The following HECW2 variants were observed in gnomAD, a reference collection of about 807,000 sequenced individuals.
HECW2 encodes the protein E3 ubiquitin-protein ligase HECW2.
In HECW2, 61 loss-of-function variants were observed where a neutral mutation model predicts 175.2. That is an observed-to-expected ratio of 0.35 (90% CI 0.28 to 0.43). HECW2 has a LOEUF of 0.43. HECW2 is among the 20% of genes least tolerant of loss of function. The pLI is 1.00. For missense variants in HECW2, 1,524 were observed against 2,000.5 expected (o/e 0.76, Z 4.54); for synonymous variants, 671 against 731.0 (o/e 0.92, Z 1.32).
intron 2 of HECW2, among the ~76,000 whole-genome samples, chr2:196,423,095 A>G (rs1034260152): frequency 3.3e-5 from 5 of 152,104 alleles, no homozygotes; most frequent in African/African-American, 1.2e-4. Context: ...TAAACTGGAA[A>G]TCCCTTCTTG....
chr2:196,247,525 A>C (rs1003041802), intron 19 of HECW2, among the ~76,000 whole-genome samples: 1 of 152,174 alleles, frequency 6.6e-6, no homozygotes, highest in African/African-American at 2.4e-5. Context: ...TGTTACATCA[A>C]ATGAAGGGCT....
chr2:196,542,510 T>C (rs989541709), intron 1 of HECW2, among the ~76,000 whole-genome samples: 1 of 152,166 alleles, frequency 6.6e-6, no homozygotes, highest in African/African-American at 2.4e-5. Flanking sequence ...AGTTTATTCA[T>C]ATTTTTAGAA....
chr2:196,510,220 T>A (rs1237126573), intron 1 of HECW2, among the ~76,000 whole-genome samples: 1 of 152,170 alleles, frequency 6.6e-6, no homozygotes, highest in Non-Finnish European at 1.5e-5. Context: ...TTTGGCTAGA[T>A]GGGATGAAGC....
At chr2:196,411,884 C>A (rs1695122869) in intron 2 of HECW2, among the ~76,000 whole-genome samples, 1 of 152,224 alleles carries the variant, frequency 6.6e-6, no homozygotes, top group Non-Finnish European at 1.5e-5. Context: ...GTGGCGCACA[C>A]CTGTAGTCCC....
chr2:196,331,949 T>G (rs961938745), intron 4 of HECW2, among the ~76,000 whole-genome samples: 14 of 152,168 alleles, frequency 9.2e-5, no homozygotes, highest in African/African-American at 3.1e-4. Flanking sequence ...GTCAACCAAG[T>G]GTTGAAACAA....
intron 1 of HECW2, among the ~76,000 whole-genome samples, chr2:196,547,592 G>A (rs1689469143): frequency 6.6e-6 from 1 of 152,194 alleles, no homozygotes; most frequent in African/African-American, 2.4e-5. Context: ...CTAGTGGTGT[G>A]TATTAGTTGT....
chr2:196,302,719 T>G (rs11897915), intron 13 of HECW2, among the ~76,000 whole-genome samples: 31,905 of 152,070 alleles, frequency 0.21, 3,618 homozygotes, highest in Middle Eastern at 0.28. Flanking sequence ...GCTCTCTGCT[T>G]GCCTGTTGTT....
At chr2:196,515,267 C>G (rs1312417903) in intron 1 of HECW2, among the ~76,000 whole-genome samples, 1 of 152,246 alleles carries the variant, frequency 6.6e-6, no homozygotes, top group African/African-American at 2.4e-5. Flanking sequence ...CCACACACTT[C>G]TCGCTGCTCT....
intron 2 of HECW2, among the ~76,000 whole-genome samples, chr2:196,350,126 G>A (rs1014393873): frequency 6.6e-6 from 1 of 152,196 alleles, no homozygotes; most frequent in African/African-American, 2.4e-5. Flanking sequence ...CACTTTGGGA[G>A]GCCGAGGCAG....
intron 2 of HECW2, among the ~76,000 whole-genome samples, chr2:196,413,782 C>T (rs1695179711): frequency 6.6e-6 from 1 of 152,222 alleles, no homozygotes; most frequent in Admixed American, 6.5e-5. Context: ...CTCTTTTCCA[C>T]TCTCTAATCT....
Position 196,278,509 on chromosome 2 carries a change from C to T in HECW2, c.3135+19G>A. ...GCTTCTATCAACCAACAGGTCAGTC[C>T]CCAAAACGCATGACTCACCTCACCC... On this transcript the variant is annotated intron_variant, in intron 15 of 28. Coordinates refer to ENST00000644978, the MANE Select transcript of HECW2 (RefSeq NM_001348768.2). The T allele has an allele frequency of 6.2e-7, 1 of 1,611,814 alleles. No homozygotes were observed. The highest frequency in any genetic ancestry group is 8.5e-7 in the Non-Finnish European group (1 of 1,178,584).
intron 17 of HECW2, chr2:196,263,553 T>C (rs890463282): frequency 4.6e-5 from 7 of 152,246 alleles, no homozygotes; most frequent in African/African-American, 1.7e-4. Flanking sequence ...AGAGAAATGC[T>C]TTGACTTGCC....
intron 1 of HECW2, 76 bp from the exon 2 acceptor site, chr2:196,433,534 C>A (rs1473448118): frequency 1.7e-5 from 18 of 1,079,200 alleles, no homozygotes; most frequent in East Asian, 2.6e-5. Flanking sequence ...AGACATAAAG[C>A]CTTAAAGGGT....
At position 196,231,816 on chromosome 2, in the gene HECW2, C is replaced by T. The variant is rs191230883; in HGVS notation, c.3765-3562G>A. The stretch of plus-strand genomic sequence containing the variant: ...CATCCTGGCTAACATGGTGAAACCC[C>T]GTCTCTACTAAAAATACAAAAAATT... On this transcript the variant is annotated intron_variant, in intron 21 of 28. Transcript: ENST00000644978. Among the ~76,000 whole-genome samples the T allele has an allele frequency of 3.3e-5, 5 of 152,096 alleles. No individual in the cohort carries two copies. The East Asian group carries it at 5.8e-4, about 18-fold the overall frequency.
intron 1 of HECW2, among the ~76,000 whole-genome samples, chr2:196,455,452 T>C (rs1696477921): frequency 6.6e-6 from 1 of 152,266 alleles, no homozygotes; most frequent in African/African-American, 2.4e-5. Context: ...TTAGAACTTC[T>C]AAAACAAAGG....
intron 13 of HECW2, among the ~76,000 whole-genome samples, chr2:196,299,655 C>T (rs1254534189): frequency 2.0e-5 from 3 of 152,188 alleles, no homozygotes; most frequent in Non-Finnish European, 2.9e-5. Context: ...TTGGGCCTGG[C>T]GCAGTGGCTC....
intron 1 of HECW2, among the ~76,000 whole-genome samples, chr2:196,441,247 A>G (rs556267830): frequency 6.6e-6 from 1 of 152,328 alleles, no homozygotes; most frequent in South Asian, 2.1e-4. Flanking sequence ...GAGGATTTTT[A>G]TAGAATTTAA....
At chr2:196,282,554 G>A (rs906140121) in intron 14 of HECW2, among the ~76,000 whole-genome samples, 2 of 152,166 alleles carry the variant, frequency 1.3e-5, no homozygotes, top group African/African-American at 4.8e-5. Context: ...AAGCAGGGGT[G>A]GGGGCGGTTC....
Position 196,383,474 on chromosome 2 carries a change from C to T in HECW2, c.293-39710G>A, listed in dbSNP as rs182046724. Among the ~76,000 whole-genome samples, 15 of 152,252 alleles carry T rather than the reference C, an allele frequency of 9.9e-5. No homozygotes were observed. The East Asian group carries it at 2.7e-3, about 27-fold the overall frequency. On this transcript the variant is annotated intron_variant, in intron 2 of 28. Transcript: ENST00000644978. ...GCCTAGGAGAGAAAAGTCTGTGGAA[C>T]ACCAACTAAGGTGGAAGAAGAGAGA...
Sources: allele counts gnomAD v4.1 joint callset (sites outside exome capture counted in the v4.1 genomes callset), GRCh38; gene constraint gnomAD v4.1.1; transcripts MANE v1.5; gene names NCBI Gene and HGNC (gene_info 2026-07-23, HGNC 2026-07-21).